Variants in ANKAR observed in about 807,000 individuals in gnomAD.
ANKAR encodes ankyrin and armadillo repeat containing.
In ANKAR, 136 loss-of-function variants were observed where a neutral mutation model predicts 146.2. The observed-to-expected ratio is 0.93, with a 90% CI of 0.81 to 1.07. The LOEUF is 1.07. Ranked by LOEUF, ANKAR falls within the 50% of genes least tolerant of loss-of-function variation. The probability of loss-of-function intolerance (pLI) is 0.00; values close to 1 mark genes in which losing one functional copy is unlikely to be tolerated. For missense variants in ANKAR, 1,567 were observed against 1,679.9 expected, an observed-to-expected ratio of 0.93 and a Z score of 1.18; for synonymous variants, 500 against 575.8, an observed-to-expected ratio of 0.87 and a Z score of 1.88.
At chr2:189,685,774 C>T (rs549403196) in intron 2 of ANKAR, among the ~76,000 whole-genome samples, 2 of 152,240 alleles carry the variant, frequency 1.3e-5, no homozygotes, top group African/African-American at 4.8e-5. Context: ...AGGGGAAGTG[C>T]TGAACTGTGG....
At chr2:189,704,544 CATATATATATATATATATAT>C (rs10578902) in intron 7 of ANKAR, among the ~76,000 whole-genome samples, 1,097 of 36,476 alleles carry the variant, frequency 0.03, 28 homozygotes, top group African/African-American at 0.058. Flanking sequence ...CCTTTGTTAA[CATATATATATATATATATAT>C]ATATATATAT....
At chr2:189,751,155 T>C (rs2045128327), downstream of ANKAR, among the ~76,000 whole-genome samples, 1 of 152,206 alleles carries the variant, frequency 6.6e-6, no homozygotes, top group Admixed American at 6.5e-5. Context: ...TCTTTTTCTG[T>C]TCCTCCTCAG....
Position 189,737,668 on chromosome 2 carries a change from T to A in ANKAR, c.3424-15T>A. 1.9e-6 allele frequency: 3 copies of A among 1,578,682 alleles called. No individual in the cohort carries two copies. The highest frequency in any genetic ancestry group is 2.6e-6 in the Non-Finnish European group (3 of 1,170,344). On this transcript the variant is annotated splice_polypyrimidine_tract_variant and intron_variant, in intron 17 of 22. Coordinates refer to ENST00000684021, the MANE Select transcript of ANKAR (RefSeq NM_001378068.1). ...AAATGAAGTTCACCATAATGCCTGT[T>A]TCTCCTATTTTTAGGATATTTGCTT... is the stretch of plus-strand genomic sequence containing the variant.
At chr2:189,714,064 A>G (rs913309466) in intron 10 of ANKAR, among the ~76,000 whole-genome samples, 4 of 152,214 alleles carry the variant, frequency 2.6e-5, no homozygotes, top group Non-Finnish European at 4.4e-5. Context: ...AGAACTAACT[A>G]TCCTAAATAT....
chr2:189,735,129 C>T (rs1210764699), intron 17 of ANKAR, among the ~76,000 whole-genome samples: 1 of 151,940 alleles, frequency 6.6e-6, no homozygotes, highest in African/African-American at 2.4e-5. Flanking sequence ...CTAGCTTTTA[C>T]TCCCATTACC....
Position 189,732,775 on chromosome 2 carries a change from C to CT in ANKAR, c.3301-324dup, listed in dbSNP as rs1016989625. Among the ~76,000 whole-genome samples, 3 of 147,398 alleles carry CT rather than the reference C, an allele frequency of 2.0e-5. No homozygotes were observed. In the South Asian group the frequency reaches 6.9e-4, roughly 34 times the overall value. On this transcript the variant is annotated intron_variant, in intron 16 of 22. Transcript: ENST00000684021. ...AATCCATGTCAAAAAATTAAAAGAA[C>CT]TTTTTTTTAATATGGAAGGGATACA...
intron 18 of ANKAR, chr2:189,753,976 TG>T: frequency 1.2e-6 from 2 of 1,613,854 alleles, no homozygotes; most frequent in Non-Finnish European, 1.7e-6. Context: ...TAGCCCGATG[TG>T]TTCTTTTCAC....
chr2:189,699,230 T>G (rs2037706927), intron 7 of ANKAR, among the ~76,000 whole-genome samples: 1 of 152,046 alleles, frequency 6.6e-6, no homozygotes, highest in Admixed American at 6.5e-5. Context: ...AAAACCAAAG[T>G]TTTTCAGATT....
At chr2:189,723,936 A>G (rs1319358315) in intron 12 of ANKAR, among the ~76,000 whole-genome samples, 1 of 152,200 alleles carries the variant, frequency 6.6e-6, no homozygotes, top group African/African-American at 2.4e-5. Flanking sequence ...TTGGGTCCAA[A>G]TGAGAAATAG....
chr2:189,728,765 C>T lies in ANKAR; in HGVS notation c.3137C>T (p.Thr1046Met), dbSNP rs758070365. The T allele has an allele frequency of 1.5e-5, 25 of 1,613,838 alleles. No individual in the cohort carries two copies. The highest frequency in any genetic ancestry group is 6.7e-5 in the Admixed American group (4 of 59,980). Residue 1046 changes from threonine to methionine, a missense_variant, in exon 15 of 23, where the codon ACG becomes ATG. Transcript: ENST00000684021. ...APLVRLLRIS[T>M]IAEGTLLSVI... is the part of the protein sequence containing the mutation. The stretch of plus-strand genomic sequence containing the variant: ...TTGGTTCGCTTACTAAGAATTAGTA[C>T]GATTGCTGAAGGCACACTTCTCAGT...
At chr2:189,759,721 A>G (rs1011813465) in intron 18 of ANKAR, among the ~76,000 whole-genome samples, 2 of 151,878 alleles carry the variant, frequency 1.3e-5, no homozygotes, top group African/African-American at 2.4e-5. Context: ...TTAAAGGTAT[A>G]CTCATCTGTA....
chr2:189,754,376 A>C, intron 18 of ANKAR: 2 of 1,545,562 alleles, frequency 1.3e-6, no homozygotes, highest in Non-Finnish European at 1.8e-6. Context: ...TTAGAGTCAT[A>C]AAATTAAATA....
In ANKAR at chr2:189,689,788, T is replaced by G; in HGVS notation, c.863T>G (p.Leu288Arg). 6.2e-7 allele frequency: 1 copy of G among 1,608,786 alleles called. No individual in the cohort carries two copies. Among genetic ancestry groups the G allele is most frequent in the Non-Finnish European group, 8.5e-7 (1 of 1,178,010 alleles). ...CTTGATATCTGTACCTACCAGAGAC[T>G]ACAGCAAAGATTATATCTTCAAAAA... Reference protein sequence around the residue: ...DYLDICTYQRLQQRLYLQKKI... With the variant: ...DYLDICTYQRRQQRLYLQKKI... The change falls in exon 3 of 23, where the codon CTA (leucine) becomes CGA (arginine). Residue 288 changes from leucine to arginine, a missense_variant. Leu to Arg is a moderately radical substitution (Grantham distance 102, BLOSUM62 -2). Transcript: ENST00000684021.
intron 12 of ANKAR, among the ~76,000 whole-genome samples, chr2:189,724,624 ACATACT>A (rs1178594618): frequency 3.3e-5 from 5 of 152,214 alleles, no homozygotes. Context: ...TAAATGAATA[ACATACT>A]CATAACAATA....
chr2:189,713,675 A>G (rs1419698491), intron 10 of ANKAR, among the ~76,000 whole-genome samples: 7 of 152,246 alleles, frequency 4.6e-5, no homozygotes, highest in Admixed American at 1.3e-4. Context: ...AATTGTAAAG[A>G]CCATCGATGC....
intron 12 of ANKAR, among the ~76,000 whole-genome samples, chr2:189,721,915 G>GC (rs2041287487): frequency 1.3e-5 from 2 of 152,140 alleles, no homozygotes; most frequent in Admixed American, 1.3e-4. Context: ...TCAAATTTAA[G>GC]CAAGTGTCAC....
At position 189,695,560 on chromosome 2, in the gene ANKAR, G is replaced by A. The variant is rs558945620; in HGVS notation, c.1488+399G>A. 6.6e-5 allele frequency among the ~76,000 whole-genome samples: 10 copies of A among 152,218 alleles called. 1 individual carries two copies. The East Asian group carries it at 1.5e-3, about 23-fold the overall frequency. ...ATGGCAGAGCCAGGCTTCAGTCCTG[G>A]GAACTAAAACCTAAAGAGCAGACCT... On this transcript the variant is annotated intron_variant, in intron 6 of 22. Coordinates refer to ENST00000684021, the MANE Select transcript of ANKAR (RefSeq NM_001378068.1).
At position 189,743,399 on chromosome 2, in the gene ANKAR, G is replaced by C; in HGVS notation, c.3935G>C (p.Arg1312Thr). Reference protein sequence around the residue: ...QFIRIKNNISRDASINPAFLK... With the variant: ...QFIRIKNNISTDASINPAFLK... ...ATTCGTATAAAAAATAATATCAGCAGAGATGCAAGTATTAACCCAGCATTT... is the reference window on the plus strand; with the variant it reads ...ATTCGTATAAAAAATAATATCAGCACAGATGCAAGTATTAACCCAGCATTT... The change falls in exon 21 of 23, where the codon AGA becomes ACA. Residue 1312 changes from arginine (R) to threonine (T), a missense_variant. Arg to Thr is a moderately conservative substitution (Grantham distance 71, BLOSUM62 -1). Coordinates refer to ENST00000684021, the MANE Select transcript of ANKAR (RefSeq NM_001378068.1). 2 of 1,613,914 alleles carry C rather than the reference G, an allele frequency of 1.2e-6. No individual in the cohort carries two copies. Among genetic ancestry groups the C allele is most frequent in the South Asian group, 1.1e-5 (1 of 91,072 alleles).
chr2:189,717,838 C>T (rs999927016), intron 10 of ANKAR, among the ~76,000 whole-genome samples: 12 of 152,016 alleles, frequency 7.9e-5, no homozygotes, highest in Non-Finnish European at 1.3e-4. Context: ...ATCACAAGGA[C>T]AGAAAAGCAA....
Sources: allele counts gnomAD v4.1 joint callset (sites outside exome capture counted in the v4.1 genomes callset), GRCh38; gene constraint gnomAD v4.1.1; transcripts MANE v1.5; gene names NCBI Gene and HGNC (gene_info 2026-07-23, HGNC 2026-07-21).